Variants in REEP5 observed in about 807,000 individuals in gnomAD.
REEP5 encodes receptor accessory protein 5.
In REEP5, 24 loss-of-function variants were observed where a neutral mutation model predicts 22.4. The observed-to-expected ratio is 1.07, with a 90% CI of 0.78 to 1.51. The LOEUF (loss-of-function observed/expected upper bound fraction) is 1.51. Ranked by LOEUF, REEP5 falls within the 40% of genes most tolerant of loss-of-function variation. The probability of loss-of-function intolerance (pLI) is 0.00; values close to 1 mark genes in which losing one functional copy is unlikely to be tolerated. For synonymous variants in REEP5, 103 were observed against 88.6 expected, an observed-to-expected ratio of 1.16 and a Z score of -0.92; for missense variants, 252 against 233.0, an observed-to-expected ratio of 1.08 and a Z score of -0.53.
intron 2 of REEP5, among the ~76,000 whole-genome samples, chr5:112,904,852 T>A (rs1353773208): frequency 5.3e-5 from 8 of 152,150 alleles, no homozygotes; most frequent in African/African-American, 1.2e-4. Context: ...TTAATTCATA[T>A]CTACAATATG....
At chr5:112,879,321 T>G in intron 4 of REEP5, among the ~76,000 whole-genome samples, 2 of 9,748 alleles carry the variant, frequency 2.1e-4, no homozygotes, top group Non-Finnish European at 6.1e-4. Context: ...TTGATATATG[T>G]GTTTGGGGGG....
At chr5:112,910,491 T>A (rs1031858167) in intron 2 of REEP5, among the ~76,000 whole-genome samples, 1 of 152,226 alleles carries the variant, frequency 6.6e-6, no homozygotes, top group African/African-American at 2.4e-5. Context: ...AAACTTCACT[T>A]ACCACCTAGG....
chr5:112,881,978 C>T (rs1421001969), intron 4 of REEP5: 3 of 150,850 alleles, frequency 2.0e-5, no homozygotes, highest in Admixed American at 6.6e-5. Flanking sequence ...CACCATGTTA[C>T]TCAGGCTGGT....
rs1445266010 is a variant in REEP5, at chr5:112,878,798, C to T, written c.558G>A (p.Lys186=). 2 of 1,614,138 alleles carry T rather than the reference C, an allele frequency of 1.2e-6. No individual in the cohort carries two copies. The highest frequency in any genetic ancestry group is 1.3e-5 in the African/African-American group (1 of 75,022). ...KATVNLLGEE[K]KST is the part of the protein sequence containing the mutation. ...CATCCAGTCTGGTTTAGGTGCTCTT[C>T]TTTTCTTCACCCAGTAAATTCACGG... Residue 186 remains lysine, a synonymous_variant, in exon 5 of 5, where the codon AAG becomes AAA. Coordinates refer to ENST00000379638, the MANE Select transcript of REEP5 (RefSeq NM_005669.5).
intron 4 of REEP5, among the ~76,000 whole-genome samples, chr5:112,881,615 T>A (rs1303901644): frequency 1.3e-5 from 2 of 152,198 alleles, no homozygotes; most frequent in African/African-American, 4.8e-5. Flanking sequence ...GTGTTGTTTT[T>A]GTTCTTCATT....
At chr5:112,885,642 G>A (rs971550811) in intron 4 of REEP5, 2 of 294,508 alleles carry the variant, frequency 6.8e-6, no homozygotes, top group Admixed American at 4.0e-5. Flanking sequence ...CTGCCAGCCT[G>A]GAGCAGCTCC....
At chr5:112,904,408 T>A (rs1429550305) in intron 2 of REEP5, among the ~76,000 whole-genome samples, 2 of 152,212 alleles carry the variant, frequency 1.3e-5, no homozygotes, top group Non-Finnish European at 2.9e-5. Context: ...ATAATAAAAA[T>A]TTGTTTCCTG....
intron 3 of REEP5, among the ~76,000 whole-genome samples, chr5:112,888,622 G>A (rs1768337374): frequency 6.6e-6 from 1 of 151,230 alleles, no homozygotes. Context: ...AGAGACAAGT[G>A]TCACAATGTT....
chr5:112,912,010 T>C (rs1263427605), intron 2 of REEP5, among the ~76,000 whole-genome samples: 2 of 152,208 alleles, frequency 1.3e-5, no homozygotes, highest in African/African-American at 4.8e-5. Context: ...ACTATGACTA[T>C]GATTAAGTCA....
At chr5:112,902,274 TTA>T (rs1342728607) in intron 3 of REEP5, 104 bp downstream of exon 3, 2 of 1,209,616 alleles carry the variant, frequency 1.7e-6, no homozygotes, top group Admixed American at 2.7e-5. Flanking sequence ...GTCTTCTTGT[TTA>T]TAATCTGAGA....
At chr5:112,895,936 A>G (rs1768666440) in intron 3 of REEP5, 1 of 152,212 alleles carries the variant, frequency 6.6e-6, no homozygotes, top group African/African-American at 2.4e-5. Context: ...TCTTGGCACT[A>G]TTAGCACTGA....
intron 4 of REEP5, among the ~76,000 whole-genome samples, chr5:112,881,015 G>A (rs1167324476): frequency 6.6e-6 from 1 of 150,796 alleles, no homozygotes; most frequent in East Asian, 2.0e-4. Context: ...TGTAATCACA[G>A]CTACTTGGGA....
chr5:112,887,320 C>T (rs1768287960), intron 3 of REEP5, 137 bp from the exon 4 acceptor site: 3 of 796,710 alleles, frequency 3.8e-6, no homozygotes, highest in South Asian at 8.3e-5. Flanking sequence ...GTGTTTTCTG[C>T]AGGTTAAAGG....
Position 112,876,806 on chromosome 5 carries a change from T to G in REEP5, c.*1980A>C, listed in dbSNP as rs1471954742. On this transcript the variant is annotated 3_prime_UTR_variant, in exon 5 of 5. Coordinates refer to ENST00000379638, the MANE Select transcript of REEP5 (RefSeq NM_005669.5). The stretch of plus-strand genomic sequence containing the variant: ...CTTAGACTGCCAGCAACAGTTAACT[T>G]AAATTTTGGTCTCAAGGGAACAAAA... 6.6e-6 allele frequency: 1 copy of G among 151,988 alleles called. No individual in the cohort carries two copies. Among genetic ancestry groups the G allele is most frequent in the African/African-American group, 2.4e-5 (1 of 41,320 alleles). The allele number at this position is 151,988 out of a possible 1,614,324, so 9.4% of individuals were successfully genotyped here.
rs1387615876 is a variant in REEP5, at chr5:112,876,657, C to T, written c.*2129G>A. 6.6e-6 allele frequency: 1 copy of T among 152,160 alleles called. No homozygotes were observed. The highest frequency in any genetic ancestry group is 6.6e-5 in the Admixed American group (1 of 15,264). The allele number at this position is 152,160 out of a possible 1,614,324, so 9.4% of individuals were successfully genotyped here. On this transcript the variant is annotated 3_prime_UTR_variant, in exon 5 of 5. Transcript: ENST00000379638. ...AACACTATTCACATTCAAATAAACG[C>T]TTGTTTTCTAGCCAGGCACAGGCTC... is the stretch of plus-strand genomic sequence containing the variant.
chr5:112,921,880 G>C (rs1251747689), intron 1 of REEP5, 193 bp downstream of exon 1: 2 of 596,998 alleles, frequency 3.4e-6, no homozygotes, highest in Non-Finnish European at 5.3e-6. Flanking sequence ...GCGACCCTCA[G>C]CCTGGGCAGC....
rs1015089318 is a variant in REEP5 at position 112,877,915 on chromosome 5, T to C, written c.*871A>G. 3 of 152,116 alleles carry C rather than the reference T, an allele frequency of 2.0e-5. No homozygotes were observed. The highest frequency in any genetic ancestry group is 2.9e-5 in the Non-Finnish European group (2 of 68,022). 9.4% of individuals were successfully genotyped at this position (152,116 alleles called of 1,614,324 possible). A position where few individuals can be genotyped will look rare whatever the true frequency, so the allele number is the denominator to read the frequency against. On this transcript the variant is annotated 3_prime_UTR_variant, in exon 5 of 5. Transcript: ENST00000379638. Reference sequence around the variant, plus strand: ...GTAGCATCTTGACAATAGACAAATATGTAAAGTTTATAGCAGATAAGACAG... The same window carrying C: ...GTAGCATCTTGACAATAGACAAATACGTAAAGTTTATAGCAGATAAGACAG...
chr5:112,912,333 T>C (rs992314361), intron 2 of REEP5, among the ~76,000 whole-genome samples: 5 of 152,168 alleles, frequency 3.3e-5, no homozygotes, highest in Admixed American at 6.5e-5. Context: ...AATTAAGTAA[T>C]AGTATGTCTT....
At chr5:112,910,094 G>A (rs762134462) in intron 2 of REEP5, among the ~76,000 whole-genome samples, 3 of 152,198 alleles carry the variant, frequency 2.0e-5, no homozygotes, top group Non-Finnish European at 4.4e-5. Flanking sequence ...CTTGAGGTCA[G>A]GAGTTCAAGG....
Sources: allele counts gnomAD v4.1 joint callset (sites outside exome capture counted in the v4.1 genomes callset), GRCh38; gene constraint gnomAD v4.1.1; transcripts MANE v1.5; gene names NCBI Gene and HGNC (gene_info 2026-07-23, HGNC 2026-07-21).